Variants in AFF1 observed in about 807,000 individuals in gnomAD.
The protein encoded by AFF1 is AF4/FMR2 family member 1.
AFF1 carries 48 observed loss-of-function variants against 121.7 expected under a neutral mutation model. The ratio of observed to expected loss-of-function variants is 0.39; its 90% CI spans 0.31 to 0.50. AFF1 has a LOEUF of 0.50. AFF1 is among the 20% of genes least tolerant of loss of function. The pLI, the probability that AFF1 is intolerant of heterozygous loss-of-function variation, is 0.76. For synonymous variants in AFF1, 613 were observed against 563.0 expected (o/e 1.09, Z -1.26); for missense variants, 1,523 against 1,511.7 (o/e 1.01, Z -0.12).
At chr4:87,059,152 C>T (rs1720466309) in intron 4 of AFF1, among the ~76,000 whole-genome samples, 1 of 152,214 alleles carries the variant, frequency 6.6e-6, no homozygotes, top group African/African-American at 2.4e-5. Flanking sequence ...TGCCGTTGCT[C>T]ACGAACACCA....
intron 11 of AFF1, among the ~76,000 whole-genome samples, chr4:87,112,791 T>A (rs528479545): frequency 6.1e-4 from 93 of 152,358 alleles, no homozygotes; most frequent in African/African-American, 2.1e-3. Flanking sequence ...TGATGCATTA[T>A]GTGTATGACT....
chr4:86,951,300 C>G (rs1721286643), intron 2 of AFF1, among the ~76,000 whole-genome samples: 1 of 151,732 alleles, frequency 6.6e-6, no homozygotes, highest in African/African-American at 2.4e-5. Flanking sequence ...GCCTAAAGGT[C>G]AGCCAGAGCT....
Position 86,985,173 on chromosome 4 carries a change from A to AC in AFF1, c.38+36602_38+36603insC, listed in dbSNP as rs1292614709. Among the ~76,000 whole-genome samples the AC allele has an allele frequency of 2.3e-3, 271 of 116,004 alleles. 2 individuals carry two copies. Among genetic ancestry groups the AC allele is most frequent in the Non-Finnish European group, 3.9e-3 (231 of 59,720 alleles). The allele number at this position is 116,004 out of a possible 152,430, so 76.1% of individuals were successfully genotyped here. A position where few individuals can be genotyped will look rare whatever the true frequency, so the allele number is the denominator to read the frequency against. ...TATATAAAAATATAATATATATAAT[A>AC]TGTATTACTATATATATATATATAT... On this transcript the variant is annotated intron_variant, in intron 2 of 20. Transcript: ENST00000395146.
chr4:87,067,785 G>T (rs903767892), intron 4 of AFF1, among the ~76,000 whole-genome samples: 7 of 152,176 alleles, frequency 4.6e-5, no homozygotes, highest in Non-Finnish European at 8.8e-5. Flanking sequence ...AAGCTAAAAA[G>T]AAAATTATAG....
In AFF1 at chr4:87,134,627, C is replaced by G. The variant is rs759840274; in HGVS notation, c.3468C>G (p.Ile1156Met). ...IQNMTSSYVT[I>M]TSHVLTAFDL... ...ATATGACATCTTCCTATGTCACCAT[C>G]ACATCCCATGTTCTTACCGCCTTTG... Residue 1156 changes from isoleucine (I) to methionine (M), a missense_variant, in exon 20 of 21, where the codon ATC becomes ATG. Physicochemically the swap from Ile to Met is conservative, Grantham distance 10 (BLOSUM62 1). Transcript: ENST00000395146. The G allele has an allele frequency of 6.2e-7, 1 of 1,614,174 alleles. No homozygotes were observed. The highest frequency in any genetic ancestry group is 2.2e-5 in the East Asian group (1 of 44,886).
chr4:87,050,624 A>G (rs1731169305), intron 4 of AFF1, among the ~76,000 whole-genome samples: 1 of 152,198 alleles, frequency 6.6e-6, no homozygotes, highest in Admixed American at 6.5e-5. Context: ...CAAAGATCCT[A>G]AGGGAAAAAA....
chr4:87,076,517 A>G (rs1252533525), intron 4 of AFF1, among the ~76,000 whole-genome samples: 2 of 152,250 alleles, frequency 1.3e-5, no homozygotes, highest in African/African-American at 4.8e-5. Context: ...AATAATTCTT[A>G]AGGGAGGATT....
At chr4:87,036,461 C>T (rs1005889071) in intron 2 of AFF1, among the ~76,000 whole-genome samples, 2 of 152,066 alleles carry the variant, frequency 1.3e-5, no homozygotes, top group Non-Finnish European at 2.9e-5. Flanking sequence ...CTTGCTCACT[C>T]AGTACTAGTT....
At chr4:87,001,207 CTTTTTTTTT>C (rs34072831) in intron 2 of AFF1, among the ~76,000 whole-genome samples, 4,239 of 60,322 alleles carry the variant, frequency 0.07, 313 homozygotes, top group African/African-American at 0.22. Context: ...CCTTTTTCTA[CTTTTTTTTT>C]TTTTTTTTTT....
chr4:87,116,975 ATC>A (rs1300281613), intron 12 of AFF1, among the ~76,000 whole-genome samples: 1 of 152,046 alleles, frequency 6.6e-6, no homozygotes, highest in Non-Finnish European at 1.5e-5. Context: ...GTCCTGGTAA[ATC>A]TCTCACCTGT....
intron 4 of AFF1, among the ~76,000 whole-genome samples, chr4:87,076,579 G>A (rs1402088446): frequency 6.6e-6 from 1 of 152,114 alleles, no homozygotes; most frequent in Admixed American, 6.6e-5. Flanking sequence ...TTATTTTTAG[G>A]AAAGCTGTTC....
intron 5 of AFF1, among the ~76,000 whole-genome samples, chr4:87,089,683 C>A (rs778288923): frequency 6.6e-6 from 1 of 152,208 alleles, no homozygotes; most frequent in African/African-American, 2.4e-5. Flanking sequence ...CAAGCTCTGG[C>A]AGTACCTGTT....
intron 8 of AFF1, among the ~76,000 whole-genome samples, chr4:87,095,300 G>A (rs897151367): frequency 1.3e-4 from 20 of 152,244 alleles, no homozygotes; most frequent in African/African-American, 4.6e-4. Context: ...TGTATTTTTA[G>A]TGTAGAGAGG....
At chr4:87,090,798 G>T (rs1724220649) in intron 6 of AFF1, among the ~76,000 whole-genome samples, 1 of 151,960 alleles carries the variant, frequency 6.6e-6, no homozygotes, top group African/African-American at 2.4e-5. Flanking sequence ...TGGATCACTT[G>T]AGTCCAGGAG....
chr4:87,108,231 C>T lies in AFF1; in HGVS notation c.1449C>T (p.Asp483=). 1.9e-6 allele frequency: 3 copies of T among 1,614,162 alleles called. No individual in the cohort carries two copies. Among genetic ancestry groups the T allele is most frequent in the Non-Finnish European group, 2.5e-6 (3 of 1,180,008 alleles). Residue 483 remains aspartate (D), a synonymous_variant, in exon 11 of 21, where the codon GAC becomes GAT. Coordinates refer to ENST00000395146, the MANE Select transcript of AFF1 (RefSeq NM_001166693.3). The part of the protein sequence containing the change: ...SSSAESESTS[D]SDSSSDSESE... ...GTGCAGAGTCAGAAAGCACCAGTGA[C>T]TCAGACAGTTCCTCAGACTCAGAGA...
At chr4:87,095,821 A>G (rs1241622891) in intron 8 of AFF1, among the ~76,000 whole-genome samples, 1 of 152,060 alleles carries the variant, frequency 6.6e-6, no homozygotes, top group Non-Finnish European at 1.5e-5. Flanking sequence ...TTACTTTCAT[A>G]TGACAGGAGC....
At chr4:86,973,431 A>G (rs1480976766) in intron 2 of AFF1, among the ~76,000 whole-genome samples, 1 of 152,218 alleles carries the variant, frequency 6.6e-6, no homozygotes, top group Non-Finnish European at 1.5e-5. Context: ...GGGCTTCTCA[A>G]TTCTGCCTCA....
chr4:87,052,402 C>T (rs890680998), intron 4 of AFF1, among the ~76,000 whole-genome samples: 1 of 151,894 alleles, frequency 6.6e-6, no homozygotes, highest in African/African-American at 2.4e-5. Context: ...GACAGTGAGA[C>T]CCTGTCTCAA....
At chr4:86,978,214 C>T (rs1273261284) in intron 2 of AFF1, among the ~76,000 whole-genome samples, 6 of 34,274 alleles carry the variant, frequency 1.8e-4, no homozygotes, top group African/African-American at 2.4e-4. Context: ...GATGGAGTCT[C>T]GCTCTGTCAG....
Sources: allele counts gnomAD v4.1 joint callset (sites outside exome capture counted in the v4.1 genomes callset), GRCh38; gene constraint gnomAD v4.1.1; transcripts MANE v1.5; gene names NCBI Gene and HGNC (gene_info 2026-07-23, HGNC 2026-07-21).